Variants in MKRN1 observed in about 807,000 individuals in gnomAD.
The protein encoded by MKRN1 is E3 ubiquitin-protein ligase makorin-1.
MKRN1 carries 9 observed loss-of-function variants against 55.5 expected under a neutral mutation model. The observed-to-expected ratio is 0.16, with a 90% CI of 0.10 to 0.28. The LOEUF (loss-of-function observed/expected upper bound fraction) is 0.28, where lower values mean the gene tolerates loss of function less well. Among genes scored for constraint, MKRN1 ranks in the 10% least tolerant of loss-of-function variants. MKRN1 has a pLI of 1.00. For synonymous variants in MKRN1, 253 were observed against 235.9 expected (o/e 1.07, Z -0.66); for missense variants, 488 against 626.7 (o/e 0.78, Z 2.36).
chr7:140,460,502 G>A (rs939451820), intron 2 of MKRN1, among the ~76,000 whole-genome samples: 1 of 151,530 alleles, frequency 6.6e-6, no homozygotes, highest in Non-Finnish European at 1.5e-5. Context: ...TGGAGATGCC[G>A]TTTGGCCAGG....
chr7:140,466,744 C>T (rs1794779117), intron 2 of MKRN1, among the ~76,000 whole-genome samples: 1 of 143,756 alleles, frequency 7.0e-6, no homozygotes, highest in Non-Finnish European at 1.5e-5. Context: ...GCGGAGCTTG[C>T]AGTAAGCCGA....
In MKRN1 at chr7:140,454,201, T is replaced by G; in HGVS notation, c.*316A>C. The G allele has an allele frequency of 2.9e-6, 1 of 346,516 alleles. No homozygotes were observed. Among genetic ancestry groups the G allele is most frequent in the Non-Finnish European group, 5.5e-6 (1 of 180,304 alleles). The allele number at this position is 346,516 out of a possible 1,614,324, so 21.5% of individuals were successfully genotyped here. A position where few individuals can be genotyped will look rare whatever the true frequency, so the allele number is the denominator to read the frequency against. On this transcript the variant is annotated 3_prime_UTR_variant, in exon 8 of 8. Coordinates refer to ENST00000255977, the MANE Select transcript of MKRN1 (RefSeq NM_013446.4). The stretch of plus-strand genomic sequence containing the variant: ...TTGAACCTGGGGTCCTCAAAATGAG[T>G]GTGTGAAAAGTCCATAAATGCAATC...
At chr7:140,479,036 AC>A (rs1184463810) in intron 1 of MKRN1, 123 bp downstream of exon 1, 20 of 1,162,224 alleles carry the variant, frequency 1.7e-5, no homozygotes, top group Non-Finnish European at 1.9e-5. Flanking sequence ...AGAGATCGAG[AC>A]AACGCCGGTC....
chr7:140,457,008 G>A (rs1794483930), intron 4 of MKRN1, 142 bp from the exon 5 acceptor site: 2 of 845,198 alleles, frequency 2.4e-6, no homozygotes, highest in Admixed American at 2.9e-5. Flanking sequence ...AATTAGCTTT[G>A]CTGACAAGTA....
At chr7:140,471,081 AC>A (rs1229236804) in intron 2 of MKRN1, among the ~76,000 whole-genome samples, 1 of 152,158 alleles carries the variant, frequency 6.6e-6, no homozygotes, top group Non-Finnish European at 1.5e-5. Context: ...CACTGTTTTA[AC>A]CTACTAAATT....
Position 140,462,352 on chromosome 7 carries a change from T to G in MKRN1, c.315-2416A>C, listed in dbSNP as rs146484032. Among the ~76,000 whole-genome samples the G allele has an allele frequency of 8.7e-4, 132 of 152,362 alleles. 1 individual carries two copies. Among genetic ancestry groups the G allele is most frequent in the Non-Finnish European group, 1.6e-3 (106 of 68,038 alleles). ...GTTTTATTCAGATGCTATGTATTAA[T>G]TATGCATATAGTAAATTTAACTGTG... On this transcript the variant is annotated intron_variant, in intron 2 of 7. Transcript: ENST00000255977.
At position 140,479,240 on chromosome 7, in the gene MKRN1, G is replaced by T. The variant is rs762846600; in HGVS notation, c.105C>A (p.Thr35=). Residue 35 remains threonine (T), a synonymous_variant, in exon 1 of 8, where the codon ACC becomes ACA. Transcript: ENST00000255977. The part of the protein sequence containing the change: ...AASPTPIPTV[T]APSLGAGGGG... ...CTCCGCCCGCCCCCAGGGACGGGGC[G>T]GTGACTGTGGGGATCGGGGTGGGGG... 271 of 1,434,320 alleles carry T rather than the reference G, an allele frequency of 1.9e-4. 3 individuals are homozygous for T. In the Middle Eastern group the frequency reaches 2.8e-3, roughly 15 times the overall value. 88.8% of individuals were successfully genotyped at this position (1,434,320 alleles called of 1,614,324 possible).
Position 140,455,100 on chromosome 7 carries a change from A to G in MKRN1, c.1231T>C (p.Tyr411His), listed in dbSNP as rs190612309. The change falls in exon 7 of 8, where the codon TAC becomes CAC. Residue 411 changes from tyrosine to histidine, a missense_variant. Physicochemically the swap from Tyr to His is moderately conservative, Grantham distance 83 (BLOSUM62 2). This residue lies in a region of MKRN1 where 278 missense variants were observed against 406.7 expected (regional missense o/e 0.68). Transcript: ENST00000255977. ...AAAAAAACAGTGAGAGTTACCCGGT[A>G]TCTGCTTGATGTTCCCACTTTCTGT... ...QRQKVGTSSR[Y>H]RAQRRNHFWE... 6.2e-7 allele frequency: 1 copy of G among 1,613,612 alleles called. No individual in the cohort carries two copies. The highest frequency in any genetic ancestry group is 1.7e-5 in the Admixed American group (1 of 59,926).
intron 2 of MKRN1, among the ~76,000 whole-genome samples, chr7:140,460,920 T>A (rs530595001): frequency 6.6e-6 from 1 of 152,244 alleles, no homozygotes; most frequent in African/African-American, 2.4e-5. Flanking sequence ...CGATCAAACT[T>A]GATTTATGAA....
At chr7:140,464,753 TC>T (rs1394192369) in intron 2 of MKRN1, among the ~76,000 whole-genome samples, 1 of 139,414 alleles carries the variant, frequency 7.2e-6, no homozygotes, top group African/African-American at 3.1e-5. Flanking sequence ...AAAGATAATT[TC>T]CAAAAAAAAA....
At chr7:140,464,010 C>T (rs1794702122) in intron 2 of MKRN1, among the ~76,000 whole-genome samples, 1 of 152,084 alleles carries the variant, frequency 6.6e-6, no homozygotes, top group African/African-American at 2.4e-5. Context: ...CTCAGCTCAC[C>T]GGCTTCAAGT....
At position 140,453,261 on chromosome 7, in the gene MKRN1, C is replaced by A. The variant is rs1288080846; in HGVS notation, c.*1256G>T. On this transcript the variant is annotated 3_prime_UTR_variant, in exon 8 of 8. Transcript: ENST00000255977. ...AAAACACAAAGGTACAATTTCCAAT[C>A]AAGGAATTCTTCCAACAACTTAACT... 2 of 152,570 alleles carry A rather than the reference C, an allele frequency of 1.3e-5. No homozygotes were observed. Among genetic ancestry groups the A allele is most frequent in the Non-Finnish European group, 2.9e-5 (2 of 68,020 alleles). 9.5% of individuals were successfully genotyped at this position (152,570 alleles called of 1,614,324 possible). A position where few individuals can be genotyped will look rare whatever the true frequency, so the allele number is the denominator to read the frequency against.
At chr7:140,476,187 G>A (rs1353214383) in intron 1 of MKRN1, among the ~76,000 whole-genome samples, 2 of 152,166 alleles carry the variant, frequency 1.3e-5, no homozygotes, top group African/African-American at 2.4e-5. Flanking sequence ...TTTAGGTGAT[G>A]TTTACCTAGC....
chr7:140,474,635 C>T (rs1795066507), intron 1 of MKRN1: 1 of 155,850 alleles, frequency 6.4e-6, no homozygotes, highest in Admixed American at 6.5e-5. Flanking sequence ...TTTCCTCTCA[C>T]AACCACTATG....
intron 6 of MKRN1, chr7:140,455,460 T>C: frequency 3.4e-6 from 2 of 581,290 alleles, no homozygotes; most frequent in Non-Finnish European, 6.0e-6. Context: ...TACAAGCAGA[T>C]GCCATAGAGA....
intron 2 of MKRN1, among the ~76,000 whole-genome samples, chr7:140,465,811 G>C (rs997637519): frequency 1.1e-4 from 17 of 152,272 alleles, no homozygotes; most frequent in Admixed American, 2.6e-4. Flanking sequence ...GCCGGGTGTG[G>C]TGGCTCACGC....
At chr7:140,472,034 A>G in intron 1 of MKRN1, 23 bp from the exon 2 acceptor site, 3 of 1,613,602 alleles carry the variant, frequency 1.9e-6, no homozygotes, top group Non-Finnish European at 2.5e-6. Context: ...AGACCACAAA[A>G]CTGGATTAAA....
intron 1 of MKRN1, 120 bp from the exon 2 acceptor site, chr7:140,472,131 A>C: frequency 1.3e-5 from 17 of 1,334,802 alleles, no homozygotes; most frequent in East Asian, 2.6e-5. Context: ...AATAAACACA[A>C]AGAAAGGGCC....
At chr7:140,455,488 C>A in intron 6 of MKRN1, 1 of 568,406 alleles carries the variant, frequency 1.8e-6, no homozygotes, top group South Asian at 2.4e-5. Context: ...TTCTAGAAAG[C>A]CAACACATGA....
Sources: allele counts gnomAD v4.1 joint callset (sites outside exome capture counted in the v4.1 genomes callset), GRCh38; gene constraint gnomAD v4.1.1; regional missense constraint gnomAD v4.1.1; transcripts MANE v1.5; gene names NCBI Gene and HGNC (gene_info 2026-07-23, HGNC 2026-07-21).